AHDC1: variants seen among roughly 807,000 people sequenced by gnomAD.
The protein encoded by AHDC1 is AT-hook DNA binding motif containing 1.
Under a neutral mutation model 87.9 loss-of-function variants are expected in AHDC1, and 7 were observed. The observed-to-expected ratio is 0.08, with a 90% CI of 0.05 to 0.15. The LOEUF is 0.15. AHDC1 is among the 10% of genes least tolerant of loss of function. The pLI, the probability that AHDC1 is intolerant of heterozygous loss-of-function variation, is 1.00. For synonymous variants in AHDC1, 1,051 were observed against 1,006.8 expected (o/e 1.04, Z -0.83); for missense variants, 1,841 against 2,253.2 (o/e 0.82, Z 3.70).
intron 3 of AHDC1, among the ~76,000 whole-genome samples, chr1:27,594,803 C>G (rs1281752811): frequency 6.6e-6 from 1 of 152,094 alleles, no homozygotes; most frequent in Non-Finnish European, 1.5e-5. Flanking sequence ...GGAGTGAGGG[C>G]TGCAGAAGGA....
At chr1:27,538,343 C>T (rs1557645767) in intron 8 of AHDC1, among the ~76,000 whole-genome samples, 1 of 140,694 alleles carries the variant, frequency 7.1e-6, no homozygotes. Flanking sequence ...GCGGAGGTTG[C>T]AGTGAGCTGA....
rs2019641976 is a variant in AHDC1 at position 27,552,872 on chromosome 1, G to A, written c.-75+20C>T. On this transcript the variant is annotated intron_variant, in intron 7 of 8. Transcript: ENST00000673934. ...TCCTTCTTACCCCGAAAGGGCTCCA[G>A]GAGAACCCCCACCACTCACCCTCGG... is the stretch of plus-strand genomic sequence containing the variant. The A allele has an allele frequency of 1.3e-5, 2 of 152,722 alleles. No individual in the cohort carries two copies. The highest frequency in any genetic ancestry group is 1.3e-4 in the Admixed American group (2 of 15,286). 9.5% of individuals were successfully genotyped at this position (152,722 alleles called of 1,614,324 possible). A position where few individuals can be genotyped will look rare whatever the true frequency, so the allele number is the denominator to read the frequency against.
rs772405848 is a variant in AHDC1 at position 27,550,579 on chromosome 1, C to A, written c.1537G>T (p.Val513Leu). 7 of 1,613,618 alleles carry A rather than the reference C, an allele frequency of 4.3e-6. No homozygotes were observed. Among genetic ancestry groups the A allele is most frequent in the Non-Finnish European group, 5.9e-6 (7 of 1,179,984 alleles). ...SVEGKELGLR[V>L]SAEPTPLLKM... is the part of the protein sequence containing the mutation. Reference sequence around the variant, plus strand: ...AGCAGCGGGGTGGGCTCAGCCGACACGCGCAGGCCCAGCTCCTTGCCCTCC... The same window carrying A: ...AGCAGCGGGGTGGGCTCAGCCGACAAGCGCAGGCCCAGCTCCTTGCCCTCC... Residue 513 changes from valine to leucine, a missense_variant, in exon 8 of 9, where the codon GTG becomes TTG. This residue lies in a region of AHDC1 where 18 missense variants were observed against 18.0 expected (regional missense o/e 1.00). Coordinates refer to ENST00000673934, the MANE Select transcript of AHDC1 (RefSeq NM_001371928.1).
rs530510177 is a variant in AHDC1 at position 27,558,034 on chromosome 1, G to A, written c.-225+271C>T. Among the ~76,000 whole-genome samples, 13 of 152,332 alleles carry A rather than the reference G, an allele frequency of 8.5e-5. No individual in the cohort carries two copies. The highest frequency in any genetic ancestry group is 3.1e-4 in the African/African-American group (13 of 41,578). On this transcript the variant is annotated intron_variant, in intron 5 of 8. Coordinates refer to ENST00000673934, the MANE Select transcript of AHDC1 (RefSeq NM_001371928.1). The surrounding 1 kb of genome is among the most constrained non-coding windows in gnomAD (Gnocchi z 5.6). ...CAGGAGACTCCACCCCCAGACCTCA[G>A]GCCCCAGGAATGCTCCTTTGGAAGT...
intron 8 of AHDC1, among the ~76,000 whole-genome samples, chr1:27,539,138 CTT>C (rs112072152): frequency 2.8e-4 from 35 of 125,322 alleles, no homozygotes; most frequent in African/African-American, 4.8e-4. Context: ...TTTTTCTTTT[CTT>C]TTTTTTTTTT....
rs747020954 is a variant in AHDC1, at chr1:27,550,994, G to A, written c.1122C>T (p.Pro374=). ...CGTACTTGGGGTGACCCTCAGGCCC[G>A]GGGGGGCCGTGCGGTGAGCACAAGT... ...RLDLCSPHGP[P]GPEGHPKYAL... Residue 374 remains proline, a synonymous_variant, in exon 8 of 9, where the codon CCC becomes CCT. Coordinates refer to ENST00000673934, the MANE Select transcript of AHDC1 (RefSeq NM_001371928.1). 87 of 1,572,796 alleles carry A rather than the reference G, an allele frequency of 5.5e-5. No homozygotes were observed. Among genetic ancestry groups the A allele is most frequent in the Non-Finnish European group, 7.3e-5 (85 of 1,166,474 alleles).
rs368114902 is a variant in AHDC1 at position 27,563,512 on chromosome 1, C to A, written c.-628-4629G>T. ...ATGGGTACACAACATGTCACCTCCC[C>A]GGCTGCCTTGGACAGGTGACAGCCC... On this transcript the variant is annotated intron_variant, in intron 3 of 8. Coordinates refer to ENST00000673934, the MANE Select transcript of AHDC1 (RefSeq NM_001371928.1). The surrounding 1 kb of genome is among the most constrained non-coding windows in gnomAD (Gnocchi z 6.1). 6.6e-6 allele frequency among the ~76,000 whole-genome samples: 1 copy of A among 152,232 alleles called. No homozygotes were observed. The highest frequency in any genetic ancestry group is 2.4e-5 in the African/African-American group (1 of 41,452).
chr1:27,545,744 C>CAA (rs796391615), intron 8 of AHDC1, among the ~76,000 whole-genome samples: 2 of 116,214 alleles, frequency 1.7e-5, no homozygotes, highest in African/African-American at 3.1e-5. Flanking sequence ...AAGATGCTGC[C>CAA]AAAAAAAAAA....
intron 5 of AHDC1, among the ~76,000 whole-genome samples, chr1:27,555,924 A>G (rs1428440301): frequency 6.6e-6 from 1 of 152,034 alleles, no homozygotes; most frequent in African/African-American, 2.4e-5. Flanking sequence ...AGCCTCCAGG[A>G]TCTGAGGGAA....
intron 3 of AHDC1, among the ~76,000 whole-genome samples, chr1:27,574,823 C>T (rs1029833833): frequency 3.0e-4 from 45 of 152,178 alleles, no homozygotes; most frequent in African/African-American, 1.1e-3. Context: ...AGCCATAGTG[C>T]CAAGAGTGAG....
intron 8 of AHDC1, among the ~76,000 whole-genome samples, chr1:27,541,632 T>TC (rs1206605732): frequency 6.7e-6 from 1 of 148,648 alleles, no homozygotes; most frequent in African/African-American, 2.5e-5. Flanking sequence ...GTGGAGGTTT[T>TC]TTTTTTTTTT....
chr1:27,555,180 C>T (rs1375003659), intron 5 of AHDC1, among the ~76,000 whole-genome samples: 1 of 152,216 alleles, frequency 6.6e-6, no homozygotes, highest in Non-Finnish European at 1.5e-5. Flanking sequence ...GTGTAACATT[C>T]CAGATACCCA....
chr1:27,603,122 G>A (rs928069811), intron 3 of AHDC1, among the ~76,000 whole-genome samples: 1 of 151,100 alleles, frequency 6.6e-6, no homozygotes, highest in Non-Finnish European at 1.5e-5. Flanking sequence ...GGGAGCCGCG[G>A]GGCGGCCAGG....
intron 3 of AHDC1, among the ~76,000 whole-genome samples, chr1:27,577,590 C>A (rs1404531781): frequency 2.0e-5 from 3 of 152,222 alleles, no homozygotes; most frequent in Non-Finnish European, 2.9e-5. Context: ...CTGCTCCCCC[C>A]ACTCCCAAGC....
rs1222976162 is a variant in AHDC1, at chr1:27,551,648, A to C, written c.468T>G (p.Pro156=). Residue 156 remains proline (P), a synonymous_variant, in exon 8 of 9, where the codon CCT becomes CCG. Coordinates refer to ENST00000673934, the MANE Select transcript of AHDC1 (RefSeq NM_001371928.1). ...ACTGTAGGTCGCCGGGTGGCGGTGC[A>C]GGCGGGCGGCTCAGTCGGAGCCCAC... The part of the protein sequence containing the change: ...DCGGLRLSRP[P]APPPGDLQYS... The C allele has an allele frequency of 6.2e-7, 1 of 1,612,862 alleles. No individual in the cohort carries two copies.
At position 27,547,329 on chromosome 1, in the gene AHDC1, T is replaced by C. The variant is rs1339385404; in HGVS notation, c.4787A>G (p.Asp1596Gly). 1 of 1,550,482 alleles carries C rather than the reference T, an allele frequency of 6.4e-7. No individual in the cohort carries two copies. Among genetic ancestry groups the C allele is most frequent in the Admixed American group, 2.1e-5 (1 of 48,674 alleles). The change falls in exon 8 of 9, where the codon GAC becomes GGC. Residue 1596 changes from aspartate to glycine, a missense_variant. Around this residue, in one of 13 missense-constraint regions of AHDC1, gnomAD observed 505 missense variants for 626.2 expected, o/e 0.81. Coordinates refer to ENST00000673934, the MANE Select transcript of AHDC1 (RefSeq NM_001371928.1). This position sits in a 1 kb window ranked among gnomAD's most constrained non-coding sequence, Gnocchi z 4.9. Reference sequence around the variant, plus strand: ...CTACAGGGATGTGACGGTGAATGTGTCCTCGGGGTGAGGTTCCGCCATGGG... The same window carrying C: ...CTACAGGGATGTGACGGTGAATGTGCCCTCGGGGTGAGGTTCCGCCATGGG... ...LGPMAEPHPE[D>G]TFTVTSL
intron 3 of AHDC1, among the ~76,000 whole-genome samples, chr1:27,574,371 C>T (rs1332923328): frequency 6.7e-6 from 1 of 150,260 alleles, no homozygotes; most frequent in Non-Finnish European, 1.5e-5. Context: ...CACGGGTGCC[C>T]TTCATTTCCC....
intron 5 of AHDC1, among the ~76,000 whole-genome samples, chr1:27,557,301 C>G (rs992062809): frequency 4.0e-5 from 6 of 151,238 alleles, no homozygotes; most frequent in African/African-American, 1.5e-4. Flanking sequence ...TTCCAGACTC[C>G]CGTCCTTGTC....
intron 3 of AHDC1, among the ~76,000 whole-genome samples, chr1:27,584,898 C>A (rs1208420678): frequency 6.6e-6 from 1 of 152,068 alleles, no homozygotes; most frequent in Non-Finnish European, 1.5e-5. Flanking sequence ...ACAGGACAGG[C>A]GTGGTGGCTC....
Sources: gnomAD v4.1 joint callset for allele counts (sites outside exome capture counted in the v4.1 genomes callset) on GRCh38, gnomAD v4.1.1 for gene constraint, gnomAD v4.1.1 regional missense constraint, Gnocchi (gnomAD v3.1) non-coding constraint, MANE v1.5 for transcripts, NCBI Gene and HGNC (gene_info 2026-07-23, HGNC 2026-07-21) for gene names.